Variants in ARHGAP42 observed in about 807,000 individuals in gnomAD.
ARHGAP42 encodes rho GTPase-activating protein 42.
In ARHGAP42, 63 loss-of-function variants were observed where a neutral mutation model predicts 125.0. That is an observed-to-expected ratio of 0.50 (90% CI 0.41 to 0.62). The LOEUF (loss-of-function observed/expected upper bound fraction) is 0.62, where lower values mean the gene tolerates loss of function less well. Ranked by LOEUF, ARHGAP42 falls within the 20% of genes least tolerant of loss-of-function variation. The probability of loss-of-function intolerance (pLI) is 0.00; values close to 1 mark genes in which losing one functional copy is unlikely to be tolerated. For synonymous variants in ARHGAP42, 339 were observed against 351.0 expected, an observed-to-expected ratio of 0.97 and a Z score of 0.38; for missense variants, 766 against 1,024.2, an observed-to-expected ratio of 0.75 and a Z score of 3.44.
chr11:100,862,097 G>T (rs1203061217), intron 4 of ARHGAP42, among the ~76,000 whole-genome samples: 1 of 152,180 alleles, frequency 6.6e-6, no homozygotes, highest in Non-Finnish European at 1.5e-5. Flanking sequence ...AATTTTTATT[G>T]GCGGGGACTT....
chr11:100,804,546 A>AATTT (rs1555002187), intron 3 of ARHGAP42, among the ~76,000 whole-genome samples: 1 of 149,842 alleles, frequency 6.7e-6, no homozygotes, highest in Non-Finnish European at 1.5e-5. Flanking sequence ...TTAATTTTTA[A>AATTT]ATTTTTTTTT....
At chr11:100,755,306 C>T (rs1194033215) in intron 1 of ARHGAP42, among the ~76,000 whole-genome samples, 2 of 152,330 alleles carry the variant, frequency 1.3e-5, no homozygotes, top group South Asian at 2.1e-4. Context: ...GACCTTGAAT[C>T]ACAATGGGCT....
chr11:100,699,525 T>A (rs1206760062), intron 1 of ARHGAP42, among the ~76,000 whole-genome samples: 1,237 of 98,042 alleles, frequency 0.013, 4 homozygotes, highest in South Asian at 0.021. Context: ...TTTTTTTTTT[T>A]TTTTTTTTTT....
chr11:100,986,278 A>G (rs939872305), intron 22 of ARHGAP42: 1 of 355,754 alleles, frequency 2.8e-6, no homozygotes, highest in Admixed American at 3.8e-5. Flanking sequence ...TTGAAATTTA[A>G]GATGAACCTG....
At chr11:100,791,743 TC>T (rs1197025600) in intron 2 of ARHGAP42, among the ~76,000 whole-genome samples, 3 of 151,694 alleles carry the variant, frequency 2.0e-5, no homozygotes, top group African/African-American at 7.3e-5. Flanking sequence ...CTCAGAAAAC[TC>T]CTGGAGGGAG....
chr11:100,818,006 T>C (rs1412678651), intron 3 of ARHGAP42, among the ~76,000 whole-genome samples: 1 of 152,154 alleles, frequency 6.6e-6, no homozygotes, highest in African/African-American at 2.4e-5. Flanking sequence ...AACAGTAGTT[T>C]TGTAAATTGC....
At position 100,695,312 on chromosome 11, in the gene ARHGAP42, TTCTTC is replaced by T. The variant is rs1323242745; in HGVS notation, c.154+7484_154+7488del. Among the ~76,000 whole-genome samples the T allele has an allele frequency of 2.0e-5, 3 of 152,314 alleles. No homozygotes were observed. In the East Asian group the frequency reaches 5.8e-4, roughly 29 times the overall value. Reference sequence around the variant, plus strand: ...GCCTGGATATTTCTGGTAGGGTAGATTCTTCTCTCTAGGATTCATTTGCTCTTGAT... The same window carrying T: ...GCCTGGATATTTCTGGTAGGGTAGATTCTCTAGGATTCATTTGCTCTTGAT... On this transcript the variant is annotated intron_variant, in intron 1 of 23. Transcript: ENST00000298815.
chr11:100,850,857 G>A lies in ARHGAP42; in HGVS notation c.313-8697G>A, dbSNP rs1591237048. Among the ~76,000 whole-genome samples, 3 of 148,658 alleles carry A rather than the reference G, an allele frequency of 2.0e-5. No individual in the cohort carries two copies. The East Asian group carries it at 5.9e-4, about 29-fold the overall frequency. On this transcript the variant is annotated intron_variant, in intron 3 of 23. Transcript: ENST00000298815. ...CAGTTTTAGCTTCACAAGTCTATCT[G>A]GGAGATAGTAGCTTTCTTTTTTTTT... is the stretch of plus-strand genomic sequence containing the variant.
chr11:100,739,866 C>G (rs995724515), intron 1 of ARHGAP42, among the ~76,000 whole-genome samples: 3 of 152,142 alleles, frequency 2.0e-5, no homozygotes, highest in African/African-American at 7.2e-5. Flanking sequence ...ACCCCACCCC[C>G]AACACACACA....
At chr11:100,879,638 T>C (rs1789390684) in intron 4 of ARHGAP42, among the ~76,000 whole-genome samples, 1 of 152,208 alleles carries the variant, frequency 6.6e-6, no homozygotes, top group Non-Finnish European at 1.5e-5. Context: ...ATTTACAACA[T>C]AGACTTTGCC....
chr11:100,778,281 G>C (rs929709783), intron 2 of ARHGAP42, among the ~76,000 whole-genome samples: 3 of 151,948 alleles, frequency 2.0e-5, no homozygotes, highest in Admixed American at 6.6e-5. Flanking sequence ...ATCAACCACA[G>C]CTGAACTCTT....
rs192934500 is a variant in ARHGAP42 at position 100,859,889 on chromosome 11, C to T, written c.384+264C>T. On this transcript the variant is annotated intron_variant, in intron 4 of 23. Coordinates refer to ENST00000298815, the MANE Select transcript of ARHGAP42 (RefSeq NM_152432.4). ...TAGGAAATTAATGATTTTGAAGACA[C>T]GGTGAAATTATGAGGAGCTCTGTTC... The T allele has an allele frequency of 2.9e-3, 779 of 265,592 alleles. 3 individuals carry two copies. Among genetic ancestry groups the T allele is most frequent in the Non-Finnish European group, 4.4e-3 (627 of 143,006 alleles). 16.5% of individuals were successfully genotyped at this position (265,592 alleles called of 1,614,324 possible). A position where few individuals can be genotyped will look rare whatever the true frequency, so the allele number is the denominator to read the frequency against.
chr11:100,772,260 G>A (rs1055543554), intron 2 of ARHGAP42, among the ~76,000 whole-genome samples: 1 of 152,204 alleles, frequency 6.6e-6, no homozygotes, highest in African/African-American at 2.4e-5. Context: ...GCTTTAGCTT[G>A]CCTGCATTCA....
At chr11:100,867,398 A>G (rs1351444229) in intron 4 of ARHGAP42, among the ~76,000 whole-genome samples, 1 of 152,236 alleles carries the variant, frequency 6.6e-6, no homozygotes, top group Non-Finnish European at 1.5e-5. Context: ...GATAACTTGC[A>G]GCAGCCTCTA....
intron 1 of ARHGAP42, among the ~76,000 whole-genome samples, chr11:100,692,918 A>C (rs1201704192): frequency 1.3e-5 from 2 of 152,236 alleles, no homozygotes; most frequent in African/African-American, 4.8e-5. Flanking sequence ...AATGCAACTT[A>C]GCCTTTTTTC....
intron 4 of ARHGAP42, among the ~76,000 whole-genome samples, chr11:100,886,114 T>C (rs867146799): frequency 6.6e-6 from 1 of 152,216 alleles, no homozygotes; most frequent in Admixed American, 6.5e-5. Context: ...TGGATAACCT[T>C]GGGCAAGTCA....
At chr11:100,730,036 C>T (rs958141188) in intron 1 of ARHGAP42, among the ~76,000 whole-genome samples, 2 of 151,984 alleles carry the variant, frequency 1.3e-5, no homozygotes, top group African/African-American at 4.8e-5. Flanking sequence ...GTGTCAAACT[C>T]CTGACTTTGT....
chr11:100,949,158 C>T (rs1386953407), intron 11 of ARHGAP42, among the ~76,000 whole-genome samples: 1 of 151,924 alleles, frequency 6.6e-6, no homozygotes, highest in Non-Finnish European at 1.5e-5. Flanking sequence ...AAATAAGAGT[C>T]GCCATCCTGT....
chr11:100,949,978 T>C (rs1487430046), intron 12 of ARHGAP42, 22 bp downstream of exon 12: 1 of 1,374,572 alleles, frequency 7.3e-7, no homozygotes. Flanking sequence ...TAATAGTTAT[T>C]TAAAATTTTA....
Sources: gnomAD v4.1 joint callset for allele counts (sites outside exome capture counted in the v4.1 genomes callset) on GRCh38, gnomAD v4.1.1 for gene constraint, MANE v1.5 for transcripts, NCBI Gene and HGNC (gene_info 2026-07-23, HGNC 2026-07-21) for gene names.